GRAMD1B: variants seen among roughly 807,000 people sequenced by gnomAD.
GRAMD1B encodes protein Aster-B.
Under a neutral mutation model 99.7 loss-of-function variants are expected in GRAMD1B, and 37 were observed. The ratio of observed to expected loss-of-function variants is 0.37; its 90% CI spans 0.29 to 0.49. The LOEUF is 0.49. Among genes scored for constraint, GRAMD1B ranks in the 20% least tolerant of loss-of-function variants. The pLI is 0.98. For missense variants in GRAMD1B, 888 were observed against 1,009.2 expected, an observed-to-expected ratio of 0.88 and a Z score of 1.63; for synonymous variants, 427 against 387.6, an observed-to-expected ratio of 1.10 and a Z score of -1.19.
intron 7 of GRAMD1B, chr11:123,597,997 C>T: frequency 1.6e-6 from 2 of 1,233,894 alleles, no homozygotes; most frequent in South Asian, 1.2e-5. Context: ...TCACAGCATT[C>T]CCACTTGAGT....
chr11:123,604,974 T>A (rs1186611320), intron 9 of GRAMD1B, among the ~76,000 whole-genome samples: 6 of 152,174 alleles, frequency 3.9e-5, no homozygotes, highest in Admixed American at 3.9e-4. Flanking sequence ...ACCCAGATAT[T>A]TGATTCAGAG....
intron 7 of GRAMD1B, among the ~76,000 whole-genome samples, 194 bp downstream of exon 7, chr11:123,596,231 G>A (rs1257696838): frequency 6.6e-6 from 1 of 152,186 alleles, no homozygotes; most frequent in African/African-American, 2.4e-5. Context: ...AGGATAGAGT[G>A]GCCAAACATT....
chr11:123,529,545 T>A (rs1029336854), intron 2 of GRAMD1B, among the ~76,000 whole-genome samples: 1 of 152,232 alleles, frequency 6.6e-6, no homozygotes, highest in African/African-American at 2.4e-5. Context: ...GGTAACTTGG[T>A]GAGCAAGGTA....
chr11:123,389,822 T>C (rs184652471), intron 1 of GRAMD1B, among the ~76,000 whole-genome samples: 127 of 152,280 alleles, frequency 8.3e-4, no homozygotes, highest in East Asian at 2.9e-3. Context: ...CTGGGCTCAC[T>C]GCAACCTCTG....
chr11:123,592,411 A>G (rs1402249492), intron 4 of GRAMD1B, among the ~76,000 whole-genome samples: 2 of 152,148 alleles, frequency 1.3e-5, no homozygotes, highest in Non-Finnish European at 2.9e-5. Context: ...CAATTTCCTC[A>G]AGTGCAAAAT....
At chr11:123,449,342 G>A (rs1565507629) in intron 1 of GRAMD1B, among the ~76,000 whole-genome samples, 1 of 152,192 alleles carries the variant, frequency 6.6e-6, no homozygotes, top group Non-Finnish European at 1.5e-5. Context: ...CATGTGTTTA[G>A]GGAATGAATG....
chr11:123,521,063 G>A (rs1003550462), intron 2 of GRAMD1B, among the ~76,000 whole-genome samples: 1 of 152,140 alleles, frequency 6.6e-6, no homozygotes, highest in Non-Finnish European at 1.5e-5. Context: ...TTTCGTGCAT[G>A]CCTCTGAATG....
Position 123,513,609 on chromosome 11 carries a change from C to CTTTCTTTCTTTCTTTCTTTCTTTCTTT in GRAMD1B, c.452+32716_452+32717insTTTCTTTCTTTCTTTCTTTCTTTCTTT, listed in dbSNP as rs1206527809. On this transcript the variant is annotated intron_variant, in intron 2 of 19. Transcript: ENST00000635736. ...TCCTTCCTTCCTTCCTTCCTTCCTTCCTTCCTTCCTTTCTTTCTTTCTTTC... is the reference window on the plus strand; with the variant it reads ...TCCTTCCTTCCTTCCTTCCTTCCTTCTTTCTTTCTTTCTTTCTTTCTTTCTTTCTTCCTTCCTTTCTTTCTTTCTTTC... Among the ~76,000 whole-genome samples the CTTTCTTTCTTTCTTTCTTTCTTTCTTT allele has an allele frequency of 4.4e-3, 156 of 35,720 alleles. 2 individuals are homozygous for CTTTCTTTCTTTCTTTCTTTCTTTCTTT. The highest frequency in any genetic ancestry group is 8.8e-3 in the Non-Finnish European group (111 of 12,660). The allele number at this position is 35,720 out of a possible 152,430, so 23.4% of individuals were successfully genotyped here.
intron 2 of GRAMD1B, among the ~76,000 whole-genome samples, chr11:123,528,034 G>A (rs1942976098): frequency 6.6e-6 from 1 of 152,182 alleles, no homozygotes; most frequent in East Asian, 1.9e-4. Context: ...TCTCTGCCTT[G>A]ATACTGTTAG....
chr11:123,402,984 C>T (rs1430108906), intron 1 of GRAMD1B, among the ~76,000 whole-genome samples: 4 of 144,180 alleles, frequency 2.8e-5, no homozygotes, highest in Non-Finnish European at 6.0e-5. Flanking sequence ...TTTTTTAAAC[C>T]ATCTTACTGT....
chr11:123,579,806 G>A (rs1457427351), intron 3 of GRAMD1B, among the ~76,000 whole-genome samples: 6 of 152,206 alleles, frequency 3.9e-5, no homozygotes, highest in Non-Finnish European at 5.9e-5. Flanking sequence ...AATCATTTGA[G>A]TGGGGCAGCC....
rs1345676402 is a variant in GRAMD1B at position 123,602,689 on chromosome 11, AC to A, written c.1051-734del. Among the ~76,000 whole-genome samples, 30 of 152,146 alleles carry A rather than the reference AC, an allele frequency of 2.0e-4. No homozygotes were observed. In the East Asian group the frequency reaches 2.1e-3, roughly 11 times the overall value. On this transcript the variant is annotated intron_variant, in intron 8 of 19. Transcript: ENST00000635736. ...CTTTGCCTCTCTCTGGAGACTCTGAACCCAATGAGAACAAACTTTTCTTAGA... is the reference window on the plus strand; with the variant it reads ...CTTTGCCTCTCTCTGGAGACTCTGAACCAATGAGAACAAACTTTTCTTAGA...
intron 1 of GRAMD1B, among the ~76,000 whole-genome samples, chr11:123,391,202 T>G (rs1313053338): frequency 6.6e-6 from 1 of 152,176 alleles, no homozygotes; most frequent in African/African-American, 2.4e-5. Flanking sequence ...TGACAGATTC[T>G]TAGTACTATT....
intron 2 of GRAMD1B, among the ~76,000 whole-genome samples, chr11:123,563,304 G>A (rs1047438468): frequency 6.6e-6 from 1 of 152,156 alleles, no homozygotes; most frequent in African/African-American, 2.4e-5. Context: ...ACTGGCCCTT[G>A]AGAGGTAAAG....
chr11:123,613,309 G>A (rs1369525912), intron 15 of GRAMD1B, 146 bp from the exon 16 acceptor site: 7 of 629,932 alleles, frequency 1.1e-5, no homozygotes, highest in African/African-American at 1.1e-4. Context: ...GGTCCCACAA[G>A]TACCTCCTGA....
At chr11:123,532,903 G>A (rs545598940) in intron 2 of GRAMD1B, among the ~76,000 whole-genome samples, 52 of 152,106 alleles carry the variant, frequency 3.4e-4, no homozygotes, top group Middle Eastern at 3.4e-3. Context: ...ATTTATTATC[G>A]AGCCCTTTAC....
chr11:123,564,151 G>A (rs1240110367), intron 2 of GRAMD1B, among the ~76,000 whole-genome samples: 2 of 152,160 alleles, frequency 1.3e-5, no homozygotes, highest in African/African-American at 2.4e-5. Flanking sequence ...GCCTCTTGAG[G>A]AACATTGACC....
chr11:123,596,313 A>C (rs1015278609), intron 7 of GRAMD1B, among the ~76,000 whole-genome samples: 16 of 152,186 alleles, frequency 1.1e-4, no homozygotes, highest in African/African-American at 3.4e-4. Flanking sequence ...TCTAAGCCTA[A>C]GTTTTTCACC....
chr11:123,466,242 C>T (rs1277919420), intron 1 of GRAMD1B, among the ~76,000 whole-genome samples: 4 of 149,964 alleles, frequency 2.7e-5, no homozygotes, highest in Non-Finnish European at 5.9e-5. Flanking sequence ...CAGCACTGCA[C>T]TCCAGCGTGG....
Sources: gnomAD v4.1 joint callset for allele counts (sites outside exome capture counted in the v4.1 genomes callset) on GRCh38, gnomAD v4.1.1 for gene constraint, MANE v1.5 for transcripts, NCBI Gene and HGNC (gene_info 2026-07-23, HGNC 2026-07-21) for gene names.